IP6K3: variants seen among roughly 807,000 people sequenced by gnomAD.
IP6K3 encodes ATP:1D-myo-inositol-hexakisphosphate phosphotransferase.
In IP6K3, 20 loss-of-function variants were observed where a neutral mutation model predicts 28.8. The observed-to-expected ratio is 0.70, with a 90% CI of 0.49 to 1.01. The LOEUF (loss-of-function observed/expected upper bound fraction) is 1.01. IP6K3 is among the 50% of genes least tolerant of loss of function. The pLI is 0.00. For missense variants in IP6K3, 480 were observed against 537.1 expected, an observed-to-expected ratio of 0.89 and a Z score of 1.05; for synonymous variants, 213 against 221.3, an observed-to-expected ratio of 0.96 and a Z score of 0.33.
Position 33,745,126 on chromosome 6 carries a change from C to G in IP6K3, c.-180+1632G>C, listed in dbSNP as rs185161228. 6.9e-3 allele frequency among the ~76,000 whole-genome samples: 1,044 copies of G among 152,390 alleles called. 20 individuals are homozygous for G. Among genetic ancestry groups the G allele is most frequent in the African/African-American group, 0.021 (890 of 41,592 alleles). On this transcript the variant is annotated intron_variant, in intron 1 of 5. Coordinates refer to ENST00000293756, the MANE Select transcript of IP6K3 (RefSeq NM_054111.5). ...GCGCTGCCACCCTGCGCCTCCCCAG[C>G]CAGTGCACGTGCTTTCTTCCCTGAA...
chr6:33,736,879 C>T (rs1766545577), intron 1 of IP6K3, among the ~76,000 whole-genome samples: 1 of 152,158 alleles, frequency 6.6e-6, no homozygotes, highest in South Asian at 2.1e-4. Flanking sequence ...GAGTTAGGGA[C>T]ATGGTTGAGA....
At position 33,728,162 on chromosome 6, in the gene IP6K3, G is replaced by C; in HGVS notation, c.338C>G (p.Thr113Ser). The change falls in exon 3 of 6, where the codon ACC (threonine) becomes AGC (serine). Residue 113 changes from threonine (T) to serine (S), a missense_variant. By Grantham distance (58) the Thr-to-Ser change is moderately conservative. Transcript: ENST00000293756. ...AVAIWQTLQQ[T>S]TGSNGSDCTL... Reference sequence around the variant, plus strand: ...GCAGTCGCTGCCATTGCTGCCGGTGGTCTGCTGGAGCGTCTGCCATATGGC... The same window carrying C: ...GCAGTCGCTGCCATTGCTGCCGGTGCTCTGCTGGAGCGTCTGCCATATGGC... 6.2e-7 allele frequency: 1 copy of C among 1,612,860 alleles called. No homozygotes were observed. The highest frequency in any genetic ancestry group is 1.1e-5 in the South Asian group (1 of 91,088).
At chr6:33,738,940 C>T (rs1766624679) in intron 1 of IP6K3, among the ~76,000 whole-genome samples, 1 of 152,168 alleles carries the variant, frequency 6.6e-6, no homozygotes, top group Non-Finnish European at 1.5e-5. Flanking sequence ...CTGTCTCCTA[C>T]CTCTGCAGAA....
chr6:33,756,872 C>T, the IP6K3 span, among the ~76,000 whole-genome samples: 1 of 152,366 alleles, frequency 6.6e-6, no homozygotes, highest in African/African-American at 2.4e-5. Context: ...GTGTTTGCAA[C>T]ACCGTCTTGG....
intron 1 of IP6K3, among the ~76,000 whole-genome samples, chr6:33,741,396 C>T (rs905667912): frequency 4.6e-5 from 7 of 152,134 alleles, no homozygotes; most frequent in Admixed American, 2.6e-4. Context: ...AATTCCAGCA[C>T]TGTAGGAGGC....
intron 1 of IP6K3, among the ~76,000 whole-genome samples, chr6:33,736,660 C>T (rs1182709596): frequency 6.6e-6 from 1 of 152,178 alleles, no homozygotes; most frequent in African/African-American, 2.4e-5. Context: ...CCCTCCTTGG[C>T]CTCCCAAAGT....
rs541974853 is a variant in IP6K3, at chr6:33,736,091, C to T, written c.-179-436G>A. ...ATGTTGCCTGGGCTGGTCTCAAACTCCTGAGCTCAAGTGATCCACCCACCT... is the reference window on the plus strand; with the variant it reads ...ATGTTGCCTGGGCTGGTCTCAAACTTCTGAGCTCAAGTGATCCACCCACCT... On this transcript the variant is annotated intron_variant, in intron 1 of 5. Coordinates refer to ENST00000293756, the MANE Select transcript of IP6K3 (RefSeq NM_054111.5). Among the ~76,000 whole-genome samples the T allele has an allele frequency of 5.3e-4, 81 of 152,344 alleles. No individual in the cohort carries two copies. In the East Asian group the frequency reaches 0.015, roughly 29 times the overall value.
the IP6K3 span, among the ~76,000 whole-genome samples, chr6:33,755,271 C>T: frequency 1.3e-5 from 2 of 152,278 alleles, no homozygotes; most frequent in African/African-American, 2.4e-5. Context: ...GGCCTGGGCC[C>T]GCTCAGCCCC....
At chr6:33,726,635 C>T (rs891460609) in intron 4 of IP6K3, 96 bp downstream of exon 4, 20 of 1,270,974 alleles carry the variant, frequency 1.6e-5, no homozygotes, top group African/African-American at 3.0e-5. Flanking sequence ...CCATTGGCCC[C>T]GTGTTTGTGT....
At position 33,733,642 on chromosome 6, in the gene IP6K3, C is replaced by A. The variant is rs564660469; in HGVS notation, c.199+1636G>T. Among the ~76,000 whole-genome samples the A allele has an allele frequency of 3.3e-5, 5 of 152,352 alleles. No homozygotes were observed. In the East Asian group the frequency reaches 9.6e-4, roughly 29 times the overall value. Reference sequence around the variant, plus strand: ...ACATTAATTCCAGTGGGTGCTCTGACAAGATGGGAAGTGACCCCACAACCA... The same window carrying A: ...ACATTAATTCCAGTGGGTGCTCTGAAAAGATGGGAAGTGACCCCACAACCA... On this transcript the variant is annotated intron_variant, in intron 2 of 5. Transcript: ENST00000293756.
upstream of IP6K3, among the ~76,000 whole-genome samples, chr6:33,751,541 G>A (rs889563374): frequency 6.6e-6 from 1 of 151,064 alleles, no homozygotes; most frequent in South Asian, 2.1e-4. This position sits in a 1 kb window ranked among gnomAD's most constrained non-coding sequence, Gnocchi z 4.3. Context: ...AATGGGAGGT[G>A]TGAGGGGAGC....
At chr6:33,723,430 C>T (rs1325611538) in intron 5 of IP6K3, among the ~76,000 whole-genome samples, 1 of 152,236 alleles carries the variant, frequency 6.6e-6, no homozygotes. Context: ...CTTCACCCCA[C>T]AGAGGTGACC....
At chr6:33,737,643 C>T (rs374414239) in intron 1 of IP6K3, among the ~76,000 whole-genome samples, 47 of 152,250 alleles carry the variant, frequency 3.1e-4, no homozygotes, top group African/African-American at 1.0e-3. Context: ...AACACTGGGC[C>T]TCTTCCACAT....
chr6:33,755,148 C>T, the IP6K3 span, among the ~76,000 whole-genome samples: 6 of 152,224 alleles, frequency 3.9e-5, no homozygotes, highest in Non-Finnish European at 8.8e-5. Context: ...GACTTTCTCC[C>T]TCACACGTCT....
chr6:33,740,162 C>G (rs1464679852), intron 1 of IP6K3, among the ~76,000 whole-genome samples: 1 of 152,192 alleles, frequency 6.6e-6, no homozygotes, highest in East Asian at 1.9e-4. Context: ...GACCCCTTGC[C>G]CAGCATCCTT....
chr6:33,722,425 T>C lies in IP6K3; in HGVS notation c.*295A>G. 1 of 250,046 alleles carries C rather than the reference T, an allele frequency of 4.0e-6. No homozygotes were observed. The allele number at this position is 250,046 out of a possible 1,614,324, so 15.5% of individuals were successfully genotyped here. On this transcript the variant is annotated 3_prime_UTR_variant, in exon 6 of 6. Transcript: ENST00000293756. Reference sequence around the variant, plus strand: ...TGCAAATATTCCAGAATGTCAGCAATGCTGGCCTCTAACTTGGGCTGCCCC... The same window carrying C: ...TGCAAATATTCCAGAATGTCAGCAACGCTGGCCTCTAACTTGGGCTGCCCC...
At position 33,728,209 on chromosome 6, in the gene IP6K3, G is replaced by A. The variant is rs376358435; in HGVS notation, c.291C>T (p.Val97=). ...TGGCCACCGCCGCCGACTCTGTGGA[G>A]ACCTTGAAGGGCTCCTGGCTCTCCT... ...PVKESQEPFK[V]STESAAVAIW... The change falls in exon 3 of 6, where the codon GTC becomes GTT. Residue 97 remains valine, a synonymous_variant. Coordinates refer to ENST00000293756, the MANE Select transcript of IP6K3 (RefSeq NM_054111.5). 3.7e-6 allele frequency: 6 copies of A among 1,614,174 alleles called. No individual in the cohort carries two copies. Among genetic ancestry groups the A allele is most frequent in the Non-Finnish European group, 5.1e-6 (6 of 1,180,054 alleles).
At chr6:33,760,213 G>A in the IP6K3 span, among the ~76,000 whole-genome samples, 39 of 152,354 alleles carry the variant, frequency 2.6e-4, no homozygotes, top group African/African-American at 8.9e-4. Context: ...TGGGTGGGAT[G>A]TAGCTCATGG....
intron 1 of IP6K3, among the ~76,000 whole-genome samples, chr6:33,741,824 G>A (rs550065166): frequency 2.0e-5 from 3 of 151,784 alleles, no homozygotes; most frequent in South Asian, 4.2e-4. Flanking sequence ...GGTGACACGT[G>A]CCTGTAATCC....
Sources: gnomAD v4.1 joint callset for allele counts (sites outside exome capture counted in the v4.1 genomes callset) on GRCh38, gnomAD v4.1.1 for gene constraint, Gnocchi (gnomAD v3.1) non-coding constraint, MANE v1.5 for transcripts, NCBI Gene and HGNC (gene_info 2026-07-23, HGNC 2026-07-21) for gene names.